Variants in ZFP14 observed in about 807,000 individuals in gnomAD.
The protein encoded by ZFP14 is ZFP14 zinc finger protein.
ZFP14 carries 22 observed loss-of-function variants against 54.5 expected under a neutral mutation model. The ratio of observed to expected loss-of-function variants is 0.40; its 90% CI spans 0.29 to 0.58. The LOEUF is 0.58. ZFP14 is among the 20% of genes least tolerant of loss of function. The probability of loss-of-function intolerance (pLI) is 0.39; values close to 1 mark genes in which losing one functional copy is unlikely to be tolerated. For synonymous variants in ZFP14, 159 were observed against 204.0 expected (o/e 0.78, Z 1.88); for missense variants, 470 against 637.8 (o/e 0.74, Z 2.83).
In ZFP14 at chr19:36,361,573, C is replaced by T. The variant is rs187362307; in HGVS notation, c.136+539G>A. On this transcript the variant is annotated intron_variant, in intron 3 of 4. Transcript: ENST00000270001. The stretch of plus-strand genomic sequence containing the variant: ...TTTTTGAGATGGAGTCTCACTCTGT[C>T]GCCCAGGCTGGAATGCAGTGGCGTG... 5.5e-3 allele frequency among the ~76,000 whole-genome samples: 831 copies of T among 152,128 alleles called. 10 individuals are homozygous for T. Among genetic ancestry groups the T allele is most frequent in the Middle Eastern group, 0.014 (4 of 294 alleles).
At position 36,341,367 on chromosome 19, in the gene ZFP14, G is replaced by A. The variant is rs1340819465; in HGVS notation, c.459C>T (p.Tyr153=). 1 of 1,613,912 alleles carries A rather than the reference G, an allele frequency of 6.2e-7. No homozygotes were observed. The highest frequency in any genetic ancestry group is 8.5e-7 in the Non-Finnish European group (1 of 1,180,000). ...VKITSEKMTT[Y]KRHNFLTEYQ... Reference sequence around the variant, plus strand: ...ACTCAGTAAGAAAATTGTGCCTTTTGTAAGTGGTCATTTTTTCAGAGGTAA... The same window carrying A: ...ACTCAGTAAGAAAATTGTGCCTTTTATAAGTGGTCATTTTTTCAGAGGTAA... Residue 153 remains tyrosine (Y), a synonymous_variant, in exon 5 of 5, where the codon TAC becomes TAT. Coordinates refer to ENST00000270001, the MANE Select transcript of ZFP14 (RefSeq NM_020917.3). The surrounding 1 kb of genome is among the most constrained non-coding windows in gnomAD (Gnocchi z 4.2).
intron 4 of ZFP14, among the ~76,000 whole-genome samples, chr19:36,349,244 A>AAAAAAAAAAAAC (rs2031477883): frequency 2.3e-5 from 1 of 42,860 alleles, no homozygotes; most frequent in Non-Finnish European, 5.3e-5. Flanking sequence ...AAAAAAAAAC[A>AAAAAAAAAAAAC]AAAAAAAAAA....
intron 1 of ZFP14, among the ~76,000 whole-genome samples, chr19:36,375,235 C>T (rs1037360029): frequency 6.6e-6 from 1 of 152,156 alleles, no homozygotes; most frequent in Admixed American, 6.5e-5. Context: ...AAAATAAAAA[C>T]TGTAAGGCAT....
At chr19:36,355,828 T>C (rs2031603579) in intron 4 of ZFP14, among the ~76,000 whole-genome samples, 1 of 142,504 alleles carries the variant, frequency 7.0e-6, no homozygotes, top group South Asian at 2.2e-4. Context: ...ACTTCCAGCA[T>C]CTAGAATTGT....
rs1380529392 is a variant in ZFP14, at chr19:36,352,810, A to G, written c.235+7625T>C. Among the ~76,000 whole-genome samples, 16 of 139,428 alleles carry G rather than the reference A, an allele frequency of 1.1e-4. 3 individuals carry two copies. Among genetic ancestry groups the G allele is most frequent in the Non-Finnish European group, 1.6e-4 (10 of 62,814 alleles). 91.5% of individuals were successfully genotyped at this position (139,428 alleles called of 152,430 possible). A position where few individuals can be genotyped will look rare whatever the true frequency, so the allele number is the denominator to read the frequency against. Reference sequence around the variant, plus strand: ...TAAAAAATTAGCCGGGCGTGGTGGCAGGCGCCTGTAGTCCCAGCTACTTGG... The same window carrying G: ...TAAAAAATTAGCCGGGCGTGGTGGCGGGCGCCTGTAGTCCCAGCTACTTGG... On this transcript the variant is annotated intron_variant, in intron 4 of 4. Coordinates refer to ENST00000270001, the MANE Select transcript of ZFP14 (RefSeq NM_020917.3).
intron 4 of ZFP14, among the ~76,000 whole-genome samples, chr19:36,358,185 A>G (rs1390625107): frequency 6.7e-6 from 1 of 150,258 alleles, no homozygotes; most frequent in East Asian, 2.0e-4. Flanking sequence ...ATCTCGGCTC[A>G]CTGCAAACTC....
chr19:36,344,166 C>T (rs1265785154), intron 4 of ZFP14, among the ~76,000 whole-genome samples: 1 of 152,096 alleles, frequency 6.6e-6, no homozygotes, highest in African/African-American at 2.4e-5. Flanking sequence ...CCAGGCTCGG[C>T]TAATTTTTCT....
intron 1 of ZFP14, among the ~76,000 whole-genome samples, chr19:36,373,446 T>C (rs574751312): frequency 6.6e-6 from 1 of 151,990 alleles, no homozygotes; most frequent in East Asian, 1.9e-4. Flanking sequence ...TTCAGTTACA[T>C]AGGAGGAATA....
intron 4 of ZFP14, among the ~76,000 whole-genome samples, chr19:36,352,844 G>A (rs1357304368): frequency 7.1e-6 from 1 of 141,530 alleles, no homozygotes; most frequent in African/African-American, 2.6e-5. Flanking sequence ...GGGAGGCTGA[G>A]GCAGAAGAAT....
At chr19:36,376,508 G>A (rs1403974839) in intron 1 of ZFP14, among the ~76,000 whole-genome samples, 1 of 151,144 alleles carries the variant, frequency 6.6e-6, no homozygotes, top group Non-Finnish European at 1.5e-5. Context: ...TCGTGCCACC[G>A]CACTCCAGCC....
intron 2 of ZFP14, among the ~76,000 whole-genome samples, chr19:36,362,653 C>A (rs2031728197): frequency 6.6e-6 from 1 of 152,052 alleles, no homozygotes; most frequent in African/African-American, 2.4e-5. Flanking sequence ...ATGAGAGGAT[C>A]ATTTGAGCCC....
At chr19:36,346,512 G>A (rs2031418146) in intron 4 of ZFP14, among the ~76,000 whole-genome samples, 1 of 151,846 alleles carries the variant, frequency 6.6e-6, no homozygotes, top group Non-Finnish European at 1.5e-5. Flanking sequence ...CTGGAGTGTA[G>A]TGTGGCGCAG....
Position 36,340,087 on chromosome 19 carries a change from T to C in ZFP14, c.*137A>G. 1.1e-6 allele frequency: 1 copy of C among 936,632 alleles called. No individual in the cohort carries two copies. Among genetic ancestry groups the C allele is most frequent in the Non-Finnish European group, 1.5e-6 (1 of 668,652 alleles). 58.0% of individuals were successfully genotyped at this position (936,632 alleles called of 1,614,324 possible). ...AAGATAAACCATGTTTAAATGGTGT[T>C]GGAAGGCTTTTAAATCAACATATTC... On this transcript the variant is annotated 3_prime_UTR_variant, in exon 5 of 5. Coordinates refer to ENST00000270001, the MANE Select transcript of ZFP14 (RefSeq NM_020917.3). This position sits in a 1 kb window ranked among gnomAD's most constrained non-coding sequence, Gnocchi z 5.4.
intron 2 of ZFP14, 54 bp downstream of exon 2, chr19:36,367,830 A>G: frequency 6.3e-7 from 1 of 1,585,850 alleles, no homozygotes; most frequent in Non-Finnish European, 8.6e-7. Context: ...GAATCTATAT[A>G]CATGATACAG....
intron 1 of ZFP14, 21 bp downstream of exon 1, chr19:36,379,142 C>T (rs1004869104): frequency 1.3e-5 from 2 of 152,480 alleles, no homozygotes; most frequent in African/African-American, 4.8e-5. Context: ...CCCATTGCCT[C>T]GGTGCAAGCG....
intron 4 of ZFP14, among the ~76,000 whole-genome samples, chr19:36,349,000 G>A (rs899890087): frequency 1.2e-4 from 18 of 151,792 alleles, no homozygotes; most frequent in Non-Finnish European, 2.1e-4. Context: ...GGCCGAGGTG[G>A]GCAGATCGCC....
Position 36,340,837 on chromosome 19 carries a change from T to G in ZFP14, c.989A>C (p.His330Pro). The change falls in exon 5 of 5, where the codon CAT becomes CCT. Residue 330 changes from histidine to proline, a missense_variant. Transcript: ENST00000270001. The surrounding 1 kb of genome is among the most constrained non-coding windows in gnomAD (Gnocchi z 5.4). ...TTTCTCACCAAAATGAATTTTCTGA[T>G]GTACTCTAAGGTCTGGACCACATAC... ...AFVCGPDLRV[H>P]QKIHFGEKPY... 1 of 1,614,112 alleles carries G rather than the reference T, an allele frequency of 6.2e-7. No individual in the cohort carries two copies. The highest frequency in any genetic ancestry group is 8.5e-7 in the Non-Finnish European group (1 of 1,180,018).
chr19:36,368,709 G>T (rs1002388653), intron 1 of ZFP14, among the ~76,000 whole-genome samples: 1 of 152,114 alleles, frequency 6.6e-6, no homozygotes, highest in Non-Finnish European at 1.5e-5. Context: ...GCAACTAAAA[G>T]ACCACACAGA....
At chr19:36,377,556 A>AAG (rs970791854) in intron 1 of ZFP14, among the ~76,000 whole-genome samples, 1 of 151,474 alleles carries the variant, frequency 6.6e-6, no homozygotes, top group Admixed American at 6.6e-5. Context: ...TAAAAAAAAA[A>AAG]AAAAAACTTA....
Sources: gnomAD v4.1 joint callset for allele counts (sites outside exome capture counted in the v4.1 genomes callset) on GRCh38, gnomAD v4.1.1 for gene constraint, Gnocchi (gnomAD v3.1) non-coding constraint, MANE v1.5 for transcripts, NCBI Gene and HGNC (gene_info 2026-07-23, HGNC 2026-07-21) for gene names.